Variants in SBF2 observed in about 807,000 individuals in gnomAD.
SBF2 encodes SET binding factor 2.
Under a neutral mutation model 225.2 loss-of-function variants are expected in SBF2, and 112 were observed. The observed-to-expected ratio is 0.50, with a 90% confidence interval of 0.43 to 0.58. The LOEUF is 0.58. Among genes scored for constraint, SBF2 ranks in the 20% least tolerant of loss-of-function variants. SBF2 has a pLI of 0.00. For missense variants in SBF2, 1,996 were observed against 2,206.2 expected, an observed-to-expected ratio of 0.90 and a Z score of 1.91; for synonymous variants, 763 against 773.3, an observed-to-expected ratio of 0.99 and a Z score of 0.22.
Position 9,778,925 on chromosome 11 carries a change from A to G in SBF2, c.*1493T>C, listed in dbSNP as rs1851868713. The G allele has an allele frequency of 6.6e-6, 1 of 152,664 alleles. No individual in the cohort carries two copies. The highest frequency in any genetic ancestry group is 2.1e-4 in the South Asian group (1 of 4,830). 9.5% of individuals were successfully genotyped at this position (152,664 alleles called of 1,614,324 possible). ...TAGCTGAAGGTACAATGGGCTCCAT[A>G]TTTTACAAAGTACAAAAAATTATTT... On this transcript the variant is annotated 3_prime_UTR_variant, in exon 40 of 40. Transcript: ENST00000256190.
intron 1 of SBF2, among the ~76,000 whole-genome samples, chr11:10,227,834 G>A (rs956613427): frequency 2.0e-5 from 3 of 151,758 alleles, no homozygotes; most frequent in Admixed American, 2.0e-4. Flanking sequence ...GAACTTTAAA[G>A]TAGTTTTTTC....
intron 17 of SBF2, among the ~76,000 whole-genome samples, chr11:9,875,959 A>T (rs1410090914): frequency 6.7e-6 from 1 of 149,242 alleles, no homozygotes; most frequent in Non-Finnish European, 1.5e-5. Flanking sequence ...AACCTCAGAG[A>T]TTTTTTTTTT....
intron 27 of SBF2, chr11:9,829,791 G>C (rs1855279273): frequency 2.7e-6 from 1 of 377,308 alleles, no homozygotes; most frequent in African/African-American, 2.1e-5. Context: ...GCACAGATTG[G>C]GCTTGAAAGC....
chr11:9,882,795 C>CAAAAAA (rs56699466), intron 17 of SBF2, among the ~76,000 whole-genome samples: 28 of 90,066 alleles, frequency 3.1e-4, no homozygotes, highest in East Asian at 4.3e-4. Flanking sequence ...GTGACAGAGT[C>CAAAAAA]AAAAAAAAAA....
chr11:9,992,111 G>C (rs1296945528), intron 12 of SBF2, among the ~76,000 whole-genome samples: 1 of 152,048 alleles, frequency 6.6e-6, no homozygotes, highest in Non-Finnish European at 1.5e-5. Flanking sequence ...TTACATGGAT[G>C]AATTACATAG....
rs772968974 is a variant in SBF2 at position 10,031,174 on chromosome 11, GAA to G, written c.280-6_280-5del. The G allele has an allele frequency of 1.2e-5, 20 of 1,612,646 alleles. No individual in the cohort carries two copies. The highest frequency in any genetic ancestry group is 1.6e-5 in the Non-Finnish European group (19 of 1,179,356). ...CAATCTCTTCCTTCTTTGTTCCCTA[GAA>G]AAAGAGACACTGAAATCAACAAACA... On this transcript the variant is annotated splice_region_variant and splice_polypyrimidine_tract_variant and intron_variant, in intron 3 of 39. Transcript: ENST00000256190.
intron 2 of SBF2, among the ~76,000 whole-genome samples, chr11:10,108,949 A>C (rs1293369337): frequency 6.6e-6 from 1 of 152,192 alleles, no homozygotes; most frequent in African/African-American, 2.4e-5. Flanking sequence ...CAAGAAGAAA[A>C]TTTTACATGG....
intron 1 of SBF2, among the ~76,000 whole-genome samples, chr11:10,293,755 C>G (rs1032805989): frequency 6.6e-6 from 1 of 152,210 alleles, no homozygotes; most frequent in South Asian, 2.1e-4. Flanking sequence ...GAGACCCCAA[C>G]TCGCCTCCGG....
intron 33 of SBF2, among the ~76,000 whole-genome samples, chr11:9,793,592 G>C (rs1166420390): frequency 6.6e-6 from 1 of 152,096 alleles, no homozygotes; most frequent in Non-Finnish European, 1.5e-5. Context: ...GTTTCGCCGT[G>C]TTGGCCAGAC....
chr11:10,260,966 A>C (rs781634533), intron 1 of SBF2, among the ~76,000 whole-genome samples: 1 of 152,154 alleles, frequency 6.6e-6, no homozygotes, highest in Non-Finnish European at 1.5e-5. Flanking sequence ...CTACGTAAGT[A>C]GTAACAACTC....
chr11:9,893,582 A>G (rs972458458), intron 17 of SBF2, among the ~76,000 whole-genome samples: 1 of 152,124 alleles, frequency 6.6e-6, no homozygotes, highest in African/African-American at 2.4e-5. Context: ...TGGCAGTGCT[A>G]TCTATAAAGT....
intron 16 of SBF2, among the ~76,000 whole-genome samples, chr11:9,909,096 A>G (rs1862367189): frequency 6.6e-6 from 1 of 152,168 alleles, no homozygotes; most frequent in African/African-American, 2.4e-5. Context: ...TTCAGTGAAT[A>G]TTACTAAACA....
At chr11:10,038,953 C>A (rs1053048408) in intron 3 of SBF2, among the ~76,000 whole-genome samples, 1 of 151,734 alleles carries the variant, frequency 6.6e-6, no homozygotes, top group Non-Finnish European at 1.5e-5. Flanking sequence ...GTAAATCTAT[C>A]ATATTTTGCT....
At chr11:9,880,396 C>T (rs1859662180) in intron 17 of SBF2, among the ~76,000 whole-genome samples, 1 of 152,220 alleles carries the variant, frequency 6.6e-6, no homozygotes, top group Non-Finnish European at 1.5e-5. Flanking sequence ...AATGTTCCTA[C>T]ATCCCTGTAT....
intron 1 of SBF2, among the ~76,000 whole-genome samples, chr11:10,200,399 T>C (rs972933748): frequency 2.0e-5 from 3 of 152,150 alleles, no homozygotes; most frequent in South Asian, 2.1e-4. Context: ...CTGAATAACA[T>C]AGTGTAGAGA....
intron 9 of SBF2, among the ~76,000 whole-genome samples, chr11:9,995,956 G>A (rs565216278): frequency 3.3e-4 from 50 of 151,402 alleles, no homozygotes; most frequent in South Asian, 1.3e-3. Context: ...CACCGCACCC[G>A]GCCGTATGCT....
intron 2 of SBF2, among the ~76,000 whole-genome samples, chr11:10,174,864 C>A (rs1418113288): frequency 6.6e-6 from 1 of 151,074 alleles, no homozygotes; most frequent in Non-Finnish European, 1.5e-5. Flanking sequence ...ATTCAACATT[C>A]TTAAAGAAAA....
chr11:10,153,574 T>A (rs1044125290), intron 2 of SBF2, among the ~76,000 whole-genome samples: 4 of 152,082 alleles, frequency 2.6e-5, no homozygotes, highest in Non-Finnish European at 5.9e-5. Context: ...CAGAAAGGAA[T>A]AAAGGTCTCC....
At chr11:10,291,339 T>C (rs1345422541) in intron 1 of SBF2, among the ~76,000 whole-genome samples, 1 of 152,162 alleles carries the variant, frequency 6.6e-6, no homozygotes, top group East Asian at 1.9e-4. Flanking sequence ...AGTGAGAACA[T>C]GGCTATGAGG....
Sources: allele counts gnomAD v4.1 joint callset (sites outside exome capture counted in the v4.1 genomes callset), GRCh38; gene constraint gnomAD v4.1.1; transcripts MANE v1.5; gene names NCBI Gene and HGNC (gene_info 2026-07-23, HGNC 2026-07-21).